Variants in MGAT4C observed in about 807,000 individuals in gnomAD.
MGAT4C encodes alpha-1,3-mannosyl-glycoprotein 4-beta-N-acetylglucosaminyltransferase C.
MGAT4C carries 19 observed loss-of-function variants against 40.1 expected under a neutral mutation model. The observed-to-expected ratio is 0.47, with a 90% confidence interval of 0.33 to 0.70. The LOEUF is 0.70. Among genes scored for constraint, MGAT4C ranks in the 30% least tolerant of loss-of-function variants. The pLI, the probability that MGAT4C is intolerant of heterozygous loss-of-function variation, is 0.02. For synonymous variants in MGAT4C, 181 were observed against 187.1 expected (o/e 0.97, Z 0.27); for missense variants, 491 against 563.2 (o/e 0.87, Z 1.30).
chr12:86,721,168 C>T (rs1196276169), intron 2 of MGAT4C, among the ~76,000 whole-genome samples: 1 of 151,902 alleles, frequency 6.6e-6, no homozygotes, highest in Non-Finnish European at 1.5e-5. Context: ...CAGTTTTGCC[C>T]CAGTGATGTG....
At chr12:86,448,045 A>C (rs1387751344) in intron 2 of MGAT4C, among the ~76,000 whole-genome samples, 1 of 152,188 alleles carries the variant, frequency 6.6e-6, no homozygotes. Context: ...CATACAGGTC[A>C]GGCCAGAAGG....
In MGAT4C at chr12:86,442,078, A is replaced by G. The variant is rs905243521; in HGVS notation, c.-228-6813T>C. Among the ~76,000 whole-genome samples the G allele has an allele frequency of 2.0e-5, 3 of 152,000 alleles. No individual in the cohort carries two copies. In the East Asian group the frequency reaches 5.8e-4, roughly 29 times the overall value. The stretch of plus-strand genomic sequence containing the variant: ...GTATCTCATTGTGGTTTTGATTTGC[A>G]TTTCTCTGATGGCCAGTGATGATGA... On this transcript the variant is annotated intron_variant, in intron 2 of 7. Transcript: ENST00000548651.
intron 1 of MGAT4C, among the ~76,000 whole-genome samples, chr12:86,812,234 A>G (rs1413409832): frequency 6.6e-6 from 1 of 152,058 alleles, no homozygotes; most frequent in Non-Finnish European, 1.5e-5. Flanking sequence ...GACTATTTCA[A>G]TTAATGTTCT....
rs531519806 is a variant in MGAT4C, at chr12:86,490,202, C to T, written c.-228-54937G>A. On this transcript the variant is annotated intron_variant, in intron 2 of 7. Coordinates refer to the MGAT4C transcript ENST00000548651. The stretch of plus-strand genomic sequence containing the variant: ...GGTCGGGTTACCCACAAAGGGAAGC[C>T]CGTCAGACTAACAGCGGATCTCTCG... 3.3e-5 allele frequency among the ~76,000 whole-genome samples: 5 copies of T among 152,152 alleles called. No homozygotes were observed. The South Asian group carries it at 1.0e-3, about 32-fold the overall frequency.
At chr12:86,454,878 TTA>T (rs1413679097) in intron 2 of MGAT4C, among the ~76,000 whole-genome samples, 4 of 152,140 alleles carry the variant, frequency 2.6e-5, no homozygotes, top group Admixed American at 1.3e-4. Flanking sequence ...CCAACAAATT[TTA>T]TGTTGTTTCT....
chr12:86,298,943 A>G (rs1214265666), intron 4 of MGAT4C, among the ~76,000 whole-genome samples: 3 of 152,228 alleles, frequency 2.0e-5, no homozygotes, highest in Non-Finnish European at 4.4e-5. Context: ...AATTATCACC[A>G]ATGAGTGCAT....
intron 2 of MGAT4C, among the ~76,000 whole-genome samples, chr12:86,590,481 C>T (rs939683470): frequency 2.6e-5 from 4 of 151,964 alleles, no homozygotes; most frequent in African/African-American, 7.2e-5. Flanking sequence ...AGGCAAACAA[C>T]TTATTGACAA....
At chr12:86,020,099 G>T (rs1034675189) in intron 2 of MGAT4C, among the ~76,000 whole-genome samples, 1 of 152,092 alleles carries the variant, frequency 6.6e-6, no homozygotes, top group Non-Finnish European at 1.5e-5. Flanking sequence ...GGGCTGAGAC[G>T]ATGGGGTTTT....
intron 2 of MGAT4C, among the ~76,000 whole-genome samples, chr12:86,496,717 CACTG>C (rs1340284486): frequency 9.9e-5 from 15 of 151,912 alleles, no homozygotes; most frequent in South Asian, 6.2e-4. Context: ...AAAAGGTAAA[CACTG>C]ACTATGAAAA....
intron 1 of MGAT4C, among the ~76,000 whole-genome samples, chr12:86,051,798 T>A (rs965943427): frequency 6.6e-6 from 1 of 151,290 alleles, no homozygotes; most frequent in Non-Finnish European, 1.5e-5. Flanking sequence ...ATAATAGATA[T>A]AATTTAGTTG....
chr12:86,085,189 C>T (rs1592894353), intron 1 of MGAT4C, among the ~76,000 whole-genome samples: 1 of 151,878 alleles, frequency 6.6e-6, no homozygotes, highest in East Asian at 1.9e-4. Context: ...TTTTACTGTG[C>T]AGAAGCTCTT....
At chr12:86,123,050 C>T (rs983922318) in intron 1 of MGAT4C, among the ~76,000 whole-genome samples, 7 of 152,236 alleles carry the variant, frequency 4.6e-5, no homozygotes, top group African/African-American at 1.7e-4. Flanking sequence ...ATTCATTCTA[C>T]AAATATTTAA....
intron 1 of MGAT4C, among the ~76,000 whole-genome samples, chr12:86,099,693 T>C (rs1027154773): frequency 6.6e-6 from 1 of 151,376 alleles, no homozygotes; most frequent in African/African-American, 2.4e-5. Context: ...TTTTATAGTG[T>C]GTATATTTGT....
chr12:86,156,391 C>T (rs531687018), intron 1 of MGAT4C, among the ~76,000 whole-genome samples: 7 of 152,202 alleles, frequency 4.6e-5, no homozygotes, highest in South Asian at 2.1e-4. Flanking sequence ...GACACAATCT[C>T]GGCTCACCGC....
At chr12:86,065,130 G>A (rs533283594) in intron 1 of MGAT4C, among the ~76,000 whole-genome samples, 5 of 152,228 alleles carry the variant, frequency 3.3e-5, no homozygotes, top group East Asian at 3.9e-4. Flanking sequence ...TCTACCAGAG[G>A]TACAAAGAAG....
At chr12:86,479,982 C>T (rs576581317) in intron 2 of MGAT4C, among the ~76,000 whole-genome samples, 20 of 151,668 alleles carry the variant, frequency 1.3e-4, no homozygotes, top group African/African-American at 4.1e-4. Context: ...TTAATTTAAC[C>T]GTTAGTCAAT....
In MGAT4C at chr12:86,423,988, C is replaced by T. The variant is rs544484669; in HGVS notation, c.-120+11169G>A. Among the ~76,000 whole-genome samples the T allele has an allele frequency of 2.0e-5, 3 of 152,272 alleles. No individual in the cohort carries two copies. The South Asian group carries it at 6.2e-4, about 32-fold the overall frequency. ...ACAATCTTCCACTTAGAAATATCTG[C>T]AAAACTAAGTTGTTAGTATAGGTTA... is the stretch of plus-strand genomic sequence containing the variant. On this transcript the variant is annotated intron_variant, in intron 3 of 7. Coordinates refer to the MGAT4C transcript ENST00000548651.
At chr12:86,178,632 T>C (rs1185690518) in intron 1 of MGAT4C, among the ~76,000 whole-genome samples, 1 of 152,200 alleles carries the variant, frequency 6.6e-6, no homozygotes, top group Non-Finnish European at 1.5e-5. Flanking sequence ...CTGATCCCAT[T>C]GTGGTGATTA....
chr12:86,741,211 C>T (rs1237554062), intron 1 of MGAT4C, among the ~76,000 whole-genome samples: 1 of 151,098 alleles, frequency 6.6e-6, no homozygotes, highest in Admixed American at 6.6e-5. Context: ...CATCACAGTA[C>T]TGTTGACAAT....
Sources: allele counts gnomAD v4.1 joint callset (sites outside exome capture counted in the v4.1 genomes callset), GRCh38; gene constraint gnomAD v4.1.1; transcripts MANE v1.5; gene names NCBI Gene and HGNC (gene_info 2026-07-23, HGNC 2026-07-21).